The following COL4A2 variants were observed in gnomAD, a reference collection of about 807,000 sequenced individuals.
The protein encoded by COL4A2 is collagen alpha-2(IV) chain.
In COL4A2, 99 loss-of-function variants were observed where a neutral mutation model predicts 200.2. The observed-to-expected ratio is 0.49, with a 90% confidence interval of 0.42 to 0.58. The LOEUF is 0.58. Ranked by LOEUF, COL4A2 falls within the 20% of genes least tolerant of loss-of-function variation. The pLI, the probability that COL4A2 is intolerant of heterozygous loss-of-function variation, is 0.00. For synonymous variants in COL4A2, 897 were observed against 900.6 expected (o/e 1.00, Z 0.07); for missense variants, 1,950 against 2,314.1 (o/e 0.84, Z 3.23).
intron 3 of COL4A2, among the ~76,000 whole-genome samples, chr13:110,349,839 C>G (rs1331197098): frequency 6.6e-6 from 1 of 152,066 alleles, no homozygotes; most frequent in African/African-American, 2.4e-5. Context: ...TCGTGGCTCA[C>G]TAAAACCTCC....
chr13:110,320,352 G>A (rs1885245734), intron 3 of COL4A2, among the ~76,000 whole-genome samples: 1 of 152,172 alleles, frequency 6.6e-6, no homozygotes, highest in Non-Finnish European at 1.5e-5. Flanking sequence ...GTGATTTCTG[G>A]GCGATTTCTC....
chr13:110,401,617 A>G (rs959285453), intron 4 of COL4A2, among the ~76,000 whole-genome samples: 4 of 152,238 alleles, frequency 2.6e-5, no homozygotes, highest in African/African-American at 9.6e-5. Flanking sequence ...TCAGCGCAAG[A>G]TAAGTTAACC....
At chr13:110,421,950 G>A (rs1017820155) in intron 4 of COL4A2, among the ~76,000 whole-genome samples, 6 of 152,210 alleles carry the variant, frequency 3.9e-5, no homozygotes, top group African/African-American at 1.4e-4. Context: ...TCAATAAGAC[G>A]TGCATATTTC....
At chr13:110,376,570 CG>C (rs1878245638) in intron 4 of COL4A2, among the ~76,000 whole-genome samples, 1 of 152,082 alleles carries the variant, frequency 6.6e-6, no homozygotes, top group Non-Finnish European at 1.5e-5. Flanking sequence ...TAAAAATCAT[CG>C]TTTTTACATT....
At chr13:110,348,884 TC>T (rs1876829592) in intron 3 of COL4A2, among the ~76,000 whole-genome samples, 1 of 152,234 alleles carries the variant, frequency 6.6e-6, no homozygotes, top group Non-Finnish European at 1.5e-5. Flanking sequence ...TAAAAAGACT[TC>T]CTTGGACAAG....
intron 28 of COL4A2, 85 bp downstream of exon 28, chr13:110,469,409 T>C (rs2139508541): frequency 1.5e-6 from 2 of 1,352,952 alleles, no homozygotes; most frequent in East Asian, 5.1e-5. Context: ...TCTATTATCT[T>C]CCACTTTGTA....
chr13:110,473,078 G>T lies in COL4A2; in HGVS notation c.2353G>T (p.Gly785Ter). 6.5e-7 allele frequency: 1 copy of T among 1,543,558 alleles called. No homozygotes were observed. The highest frequency in any genetic ancestry group is 1.2e-5 in the South Asian group (1 of 82,096). The change falls in exon 29 of 48, where the codon GGA (glycine) becomes TGA (stop). Residue 785 changes from glycine to a stop codon, truncating the protein, a stop_gained. Coordinates refer to ENST00000360467, the MANE Select transcript of COL4A2 (RefSeq NM_001846.4). LOFTEE classifies it high-confidence loss of function. ...EVLGAQPGPRGDAGVPGQPGL... is the reference protein window; with the variant it reads ...EVLGAQPGPR ...CCTGGGAGCTCAGCCCGGGCCACGG[G>T]GAGATGCTGGTGTGCCTGGACAGCC...
chr13:110,460,454 T>C (rs1396181452), intron 22 of COL4A2, among the ~76,000 whole-genome samples: 1 of 152,142 alleles, frequency 6.6e-6, no homozygotes, highest in African/African-American at 2.4e-5. Context: ...GTGCGTGGGG[T>C]GAGAACTGCA....
intron 34 of COL4A2, among the ~76,000 whole-genome samples, chr13:110,486,999 G>A (rs1190647910): frequency 6.6e-6 from 1 of 152,244 alleles, no homozygotes; most frequent in Non-Finnish European, 1.5e-5. Context: ...AGGCCTGACA[G>A]TGTGAACCCT....
At position 110,482,271 on chromosome 13, in the gene COL4A2, C is replaced by G. The variant is rs74468721; in HGVS notation, c.2759-245C>G. ...TTCCCTCCTAGCCTTCCTGCCTGAT[C>G]TTTGTGTGTTTCCTTGTTGCCAATG... On this transcript the variant is annotated intron_variant, in intron 31 of 47. Coordinates refer to ENST00000360467, the MANE Select transcript of COL4A2 (RefSeq NM_001846.4). Among the ~76,000 whole-genome samples the G allele has an allele frequency of 7.3e-3, 1,112 of 152,372 alleles. 9 individuals carry two copies. The highest frequency in any genetic ancestry group is 9.5e-3 in the Non-Finnish European group (647 of 68,042).
chr13:110,462,781 A>C (rs1305064443), intron 24 of COL4A2, among the ~76,000 whole-genome samples: 1 of 152,174 alleles, frequency 6.6e-6, no homozygotes, highest in Non-Finnish European at 1.5e-5. Context: ...GCTACCTAGT[A>C]GCCTGCAGAG....
chr13:110,488,770 G>A (rs747058536), intron 34 of COL4A2, among the ~76,000 whole-genome samples: 7 of 152,198 alleles, frequency 4.6e-5, no homozygotes, highest in South Asian at 2.1e-4. Flanking sequence ...CTCTTGAGAC[G>A]GGGTCCACCA....
intron 4 of COL4A2, among the ~76,000 whole-genome samples, chr13:110,374,422 TTC>T (rs1878149858): frequency 6.6e-6 from 1 of 152,354 alleles, no homozygotes; most frequent in East Asian, 1.9e-4. Context: ...TTCAAAATTA[TTC>T]TTTCTTTCTC....
chr13:110,504,122 C>T, intron 44 of COL4A2, 26 bp from the exon 45 acceptor site: 5 of 1,609,472 alleles, frequency 3.1e-6, no homozygotes, highest in Non-Finnish European at 4.3e-6. Flanking sequence ...AGTTTCCAGC[C>T]ATAACGCTTC....
intron 14 of COL4A2, 100 bp downstream of exon 14, chr13:110,438,137 C>G: frequency 1.2e-6 from 1 of 868,876 alleles, no homozygotes; most frequent in South Asian, 1.5e-5. Flanking sequence ...GGCCCGCACA[C>G]CGCCAGTCTC....
At chr13:110,320,291 G>A (rs1479204171) in intron 3 of COL4A2, among the ~76,000 whole-genome samples, 2 of 152,168 alleles carry the variant, frequency 1.3e-5, no homozygotes, top group Admixed American at 1.3e-4. Flanking sequence ...CCCCTACGGC[G>A]ACCCCCTGCC....
At chr13:110,489,316 A>T in intron 34 of COL4A2, 129 bp from the exon 35 acceptor site, 1 of 904,472 alleles carries the variant, frequency 1.1e-6, no homozygotes, top group Non-Finnish European at 1.8e-6. Flanking sequence ...CGAGTTTTCC[A>T]CAAAATGACA....
rs538208910 is a variant in COL4A2 at position 110,371,980 on chromosome 13, G to A, written c.180+14428G>A. On this transcript the variant is annotated intron_variant, in intron 4 of 47. Coordinates refer to ENST00000360467, the MANE Select transcript of COL4A2 (RefSeq NM_001846.4). ...GAGGCAGGAGTGGGTGGACAAGGCC[G>A]GAACCACATTTGCACCCTGAGGAGC... Among the ~76,000 whole-genome samples the A allele has an allele frequency of 2.6e-5, 4 of 152,092 alleles. No homozygotes were observed. In the South Asian group the frequency reaches 6.2e-4, roughly 24 times the overall value.
chr13:110,321,012 A>G (rs1484003526), intron 3 of COL4A2, among the ~76,000 whole-genome samples: 1 of 152,176 alleles, frequency 6.6e-6, no homozygotes, highest in Admixed American at 6.5e-5. Flanking sequence ...TAAATATTTC[A>G]TGTGTTTAAA....
Sources: gnomAD v4.1 joint callset for allele counts (sites outside exome capture counted in the v4.1 genomes callset) on GRCh38, gnomAD v4.1.1 for gene constraint, MANE v1.5 for transcripts, NCBI Gene and HGNC (gene_info 2026-07-23, HGNC 2026-07-21) for gene names.